Variants in PCGF3 observed in about 807,000 individuals in gnomAD.
PCGF3 encodes polycomb group RING finger protein 3.
A neutral mutation model predicts 33.1 loss-of-function variants in PCGF3; 7 were observed. The ratio of observed to expected loss-of-function variants is 0.21; its 90% CI spans 0.12 to 0.40. The LOEUF is 0.40. Ranked by LOEUF, PCGF3 falls within the 10% of genes least tolerant of loss-of-function variation. The probability of loss-of-function intolerance (pLI) is 1.00; values close to 1 mark genes in which losing one functional copy is unlikely to be tolerated. For synonymous variants in PCGF3, 153 were observed against 121.3 expected (o/e 1.26, Z -1.72); for missense variants, 211 against 313.3 (o/e 0.67, Z 2.46).
intron 4 of PCGF3, 142 bp from the exon 5 acceptor site, chr4:734,789 G>C: frequency 1.4e-6 from 2 of 1,404,288 alleles, no homozygotes; most frequent in Non-Finnish European, 9.3e-7. Flanking sequence ...TTTCCTTTCA[G>C]AAGCTGAGAG....
At chr4:738,945 T>C (rs948214559) in intron 6 of PCGF3, among the ~76,000 whole-genome samples, 5 of 152,164 alleles carry the variant, frequency 3.3e-5, no homozygotes, top group Admixed American at 1.3e-4. Flanking sequence ...CCTCGAGTTT[T>C]GTGACCACCA....
intron 8 of PCGF3, among the ~76,000 whole-genome samples, chr4:750,272 C>G (rs1744455017): frequency 6.6e-6 from 1 of 152,204 alleles, no homozygotes; most frequent in African/African-American, 2.4e-5. Flanking sequence ...AGTAACGTGG[C>G]CTTTTTGGGT....
intron 1 of PCGF3, among the ~76,000 whole-genome samples, chr4:715,966 G>A (rs1431852749): frequency 7.3e-5 from 8 of 110,212 alleles, no homozygotes; most frequent in African/African-American, 2.0e-4. Flanking sequence ...TCGGTGCTGG[G>A]ACCCTGAAGA....
chr4:765,983 T>G (rs772143276), intron 10 of PCGF3, 49 bp from the exon 11 acceptor site: 29 of 1,583,470 alleles, frequency 1.8e-5, no homozygotes, highest in Non-Finnish European at 2.3e-5. Flanking sequence ...TAGGTCCTTC[T>G]CGCCTCCACC....
At chr4:765,235 A>G (rs1056152585) in intron 10 of PCGF3, among the ~76,000 whole-genome samples, 171 bp downstream of exon 10, 13 of 152,170 alleles carry the variant, frequency 8.5e-5, no homozygotes, top group South Asian at 6.2e-4. Flanking sequence ...AGATCCAGAC[A>G]ATCCTGGCTA....
intron 6 of PCGF3, among the ~76,000 whole-genome samples, chr4:742,557 C>G (rs185325183): frequency 2.0e-5 from 3 of 152,352 alleles, no homozygotes; most frequent in African/African-American, 7.2e-5. Context: ...TGACCCACGT[C>G]GTCCACTGTG....
chr4:764,816 T>G (rs529482954), intron 9 of PCGF3, 168 bp from the exon 10 acceptor site: 7 of 591,106 alleles, frequency 1.2e-5, no homozygotes, highest in Non-Finnish European at 2.1e-5. Flanking sequence ...ATCTCTAGGC[T>G]GTGAGGTAGG....
At chr4:718,039 A>G (rs1266875152) in intron 1 of PCGF3, among the ~76,000 whole-genome samples, 1 of 152,018 alleles carries the variant, frequency 6.6e-6, no homozygotes, top group Non-Finnish European at 1.5e-5. Flanking sequence ...GGCACAGCAG[A>G]TTGGTTTCTA....
Position 706,568 on chromosome 4 carries a change from C to T in PCGF3, c.-190+598C>T, listed in dbSNP as rs533534986. On this transcript the variant is annotated intron_variant, in intron 1 of 10. Coordinates refer to ENST00000362003, the Ensembl canonical transcript of PCGF3. ...ACCCAGGGAGGGCGAAGACCCCAGC[C>T]CAGGCAGGACCGCGGGAGGGCAGGG... Among the ~76,000 whole-genome samples, 270 of 139,384 alleles carry T rather than the reference C, an allele frequency of 1.9e-3. 1 individual carries two copies. The highest frequency in any genetic ancestry group is 7.0e-3 in the African/African-American group (257 of 36,888). The allele number at this position is 139,384 out of a possible 152,430, so 91.4% of individuals were successfully genotyped here.
At chr4:763,077 G>A (rs1270775606) in intron 9 of PCGF3, among the ~76,000 whole-genome samples, 1 of 152,092 alleles carries the variant, frequency 6.6e-6, no homozygotes, top group African/African-American at 2.4e-5. Context: ...CAGCACACCG[G>A]GGTTGGGGAG....
intron 6 of PCGF3, among the ~76,000 whole-genome samples, chr4:742,701 C>G (rs1385331992): frequency 6.6e-6 from 1 of 152,246 alleles, no homozygotes; most frequent in South Asian, 2.1e-4. Flanking sequence ...CTGGTCCGGC[C>G]AGAGGTGACC....
At chr4:735,884 G>A (rs1012019234) in intron 5 of PCGF3, among the ~76,000 whole-genome samples, 2 of 152,226 alleles carry the variant, frequency 1.3e-5, no homozygotes, top group African/African-American at 2.4e-5. Context: ...GGAGCGTGTG[G>A]TTCTCACACA....
At chr4:724,152 G>C (rs1213982075) in intron 1 of PCGF3, 1 of 152,464 alleles carries the variant, frequency 6.6e-6, no homozygotes, top group Non-Finnish European at 1.5e-5. Flanking sequence ...TGTCAGCCGG[G>C]AGGGGGCACG....
At chr4:737,810 C>T (rs1743901587) in intron 6 of PCGF3, among the ~76,000 whole-genome samples, 1 of 152,224 alleles carries the variant, frequency 6.6e-6, no homozygotes, top group Non-Finnish European at 1.5e-5. Flanking sequence ...CCTCCCAGGA[C>T]CCTGCCTTCT....
chr4:765,040 G>A (rs770005523), exon 10 of PCGF3: 3 of 1,613,528 alleles, frequency 1.9e-6, no homozygotes, highest in South Asian at 2.2e-5. Context: ...TCAAGTTCGT[G>A]GTTGTCACTA....
intron 1 of PCGF3, among the ~76,000 whole-genome samples, chr4:718,756 C>T (rs1742959676): frequency 6.6e-6 from 1 of 152,138 alleles, no homozygotes; most frequent in Admixed American, 6.5e-5. Context: ...GGCAGGAGCC[C>T]ATGGCCCTCT....
chr4:741,599 G>C (rs1051524140), intron 6 of PCGF3, among the ~76,000 whole-genome samples: 1 of 152,006 alleles, frequency 6.6e-6, no homozygotes, highest in Non-Finnish European at 1.5e-5. Flanking sequence ...GTAGAGACGG[G>C]GGTTTCACCA....
exon 7 of PCGF3, chr4:743,526 G>C (rs1744185082): frequency 1.9e-6 from 3 of 1,613,672 alleles, no homozygotes; most frequent in Admixed American, 1.7e-5. Flanking sequence ...TGGAGGTGCC[G>C]GGAGACATCA....
intron 8 of PCGF3, among the ~76,000 whole-genome samples, chr4:751,923 C>T (rs1334287086): frequency 6.6e-6 from 1 of 152,278 alleles, no homozygotes; most frequent in Non-Finnish European, 1.5e-5. Context: ...GGGCACTCAG[C>T]CTCAAGGCAC....
Sources: allele counts gnomAD v4.1 joint callset (sites outside exome capture counted in the v4.1 genomes callset), GRCh38; gene constraint gnomAD v4.1.1; transcripts MANE v1.5; gene names NCBI Gene and HGNC (gene_info 2026-07-23, HGNC 2026-07-21).